The following TRAPPC2L variants were observed in gnomAD, a reference collection of about 807,000 sequenced individuals.
TRAPPC2L encodes trafficking protein particle complex subunit 2-like protein.
In TRAPPC2L, 17 loss-of-function variants were observed where a neutral mutation model predicts 13.2. That is an observed-to-expected ratio of 1.29 (90% CI 0.88 to 1.93). The LOEUF is 1.93. Among genes scored for constraint, TRAPPC2L ranks in the 30% most tolerant of loss-of-function variants. The probability of loss-of-function intolerance (pLI) is 0.00; values close to 1 mark genes in which losing one functional copy is unlikely to be tolerated. For missense variants in TRAPPC2L, 359 were observed against 252.1 expected, an observed-to-expected ratio of 1.42 and a Z score of -2.87; for synonymous variants, 150 against 98.1, an observed-to-expected ratio of 1.53 and a Z score of -3.12.
At chr16:88,856,277 CGGCCCGAGGT>C (rs1567549979), upstream of TRAPPC2L, 2 of 703,042 alleles carry the variant, frequency 2.8e-6, no homozygotes, top group Middle Eastern at 2.3e-4. Flanking sequence ...GGGGACCCGG[CGGCCCGAGGT>C]GGCGGGAGTG....
chr16:88,858,976 G>A (rs1968187937), intron 2 of TRAPPC2L, 185 bp downstream of exon 2: 1 of 633,856 alleles, frequency 1.6e-6, no homozygotes, highest in African/African-American at 1.8e-5. Context: ...AGCCATTTGG[G>A]AAAAGCAAGG....
chr16:88,859,333 C>T (rs1005427543), intron 2 of TRAPPC2L: 2 of 670,110 alleles, frequency 3.0e-6, no homozygotes, highest in Admixed American at 2.0e-5. Flanking sequence ...CACGAAGCCT[C>T]TGGTTTTGCA....
At chr16:88,857,046 T>G, upstream of TRAPPC2L, 1 of 1,433,958 alleles carries the variant, frequency 7.0e-7, no homozygotes. Context: ...TCGTGACCAG[T>G]GGGGCGGGGC....
intron 1 of TRAPPC2L, among the ~76,000 whole-genome samples, chr16:88,858,379 T>G (rs1435972038): frequency 2.0e-5 from 3 of 152,168 alleles, no homozygotes; most frequent in Admixed American, 2.0e-4. Context: ...TTCTGATTCA[T>G]TTTTTCTTTT....
exon 3 of TRAPPC2L, chr16:88,859,750 C>T (rs368928968): frequency 2.4e-5 from 38 of 1,613,294 alleles, no homozygotes; most frequent in Non-Finnish European, 2.9e-5. Flanking sequence ...AAATTCGCAG[C>T]GTAAGTCAGG....
At chr16:88,859,152 T>C in intron 2 of TRAPPC2L, 1 of 435,098 alleles carries the variant, frequency 2.3e-6, no homozygotes, top group Non-Finnish European at 4.3e-6. Context: ...TCATTAGGCC[T>C]TGCCTCTTAT....
chr16:88,859,917 T>A, exon 4 of TRAPPC2L: 1 of 1,556,738 alleles, frequency 6.4e-7, no homozygotes, highest in Non-Finnish European at 8.6e-7. Flanking sequence ...ACACAACTCC[T>A]ACACAGACGT....
At chr16:88,858,571 C>G (rs199882711) in intron 1 of TRAPPC2L, 48 bp from the exon 2 acceptor site, 1 of 1,591,560 alleles carries the variant, frequency 6.3e-7, no homozygotes, top group Non-Finnish European at 8.6e-7. Flanking sequence ...AGCTGGTGTG[C>G]GCTGGGTGGA....
exon 4 of TRAPPC2L, chr16:88,859,972 G>T (rs1324000460): frequency 1.9e-6 from 3 of 1,613,948 alleles, no homozygotes; most frequent in African/African-American, 2.7e-5. Flanking sequence ...ATCCAGTCCA[G>T]GTGGGCCCTA....
chr16:88,861,292 T>G lies in TRAPPC2L; in HGVS notation c.*968T>G, dbSNP rs1392885380. 1.3e-5 allele frequency: 5 copies of G among 398,314 alleles called. No individual in the cohort carries two copies. The Admixed American group carries it at 1.5e-4, about 12-fold the overall frequency. 24.7% of individuals were successfully genotyped at this position (398,314 alleles called of 1,614,324 possible). A position where few individuals can be genotyped will look rare whatever the true frequency, so the allele number is the denominator to read the frequency against. On this transcript the variant is annotated 3_prime_UTR_variant, in exon 4 of 4. Coordinates refer to ENST00000565504, the Ensembl canonical transcript of TRAPPC2L. ...CAAGAGTTCCTGAGCCTGCAGGACCTGTGACCATGTGGGTCACCCACTGGC... is the reference window on the plus strand; with the variant it reads ...CAAGAGTTCCTGAGCCTGCAGGACCGGTGACCATGTGGGTCACCCACTGGC...
In TRAPPC2L at chr16:88,857,188, G is replaced by T; in HGVS notation, c.33+5G>T. 1 of 1,572,644 alleles carries T rather than the reference G, an allele frequency of 6.4e-7. No homozygotes were observed. ...ATCGCGGTGATTGCCAAGGAGGTGCGTACGCGCGGCGTGGGGCGTCCGGGC... is the reference window on the plus strand; with the variant it reads ...ATCGCGGTGATTGCCAAGGAGGTGCTTACGCGCGGCGTGGGGCGTCCGGGC... On this transcript the variant is annotated splice_donor_5th_base_variant and intron_variant, in intron 1 of 3. Coordinates refer to ENST00000565504, the Ensembl canonical transcript of TRAPPC2L.
chr16:88,860,792 A>G, exon 4 of TRAPPC2L: 1 of 1,133,226 alleles, frequency 8.8e-7, no homozygotes. Flanking sequence ...CGGAGTTCAC[A>G]TTTCTGGACC....
intron 2 of TRAPPC2L, chr16:88,859,091 T>G: frequency 2.1e-6 from 1 of 471,902 alleles, no homozygotes; most frequent in Non-Finnish European, 3.9e-6. Flanking sequence ...CTTTCTGTGC[T>G]TTTCAGGGGG....
chr16:88,856,863 G>C (rs754641065), upstream of TRAPPC2L: 8 of 1,510,380 alleles, frequency 5.3e-6, no homozygotes, highest in African/African-American at 8.7e-5. Flanking sequence ...TCGTCGCCGC[G>C]ACAACCGCCG....
At chr16:88,858,830 C>T in intron 2 of TRAPPC2L, 39 bp downstream of exon 2, 2 of 1,585,482 alleles carry the variant, frequency 1.3e-6, no homozygotes, top group Non-Finnish European at 1.7e-6. Context: ...GGAGGACCTA[C>T]AGTTGCAAGA....
At chr16:88,859,952 G>C in exon 4 of TRAPPC2L, 3 of 1,513,858 alleles carry the variant, frequency 2.0e-6, no homozygotes, top group Non-Finnish European at 2.6e-6. Flanking sequence ...TCTACAACCC[G>C]GGGGACCGCA....
exon 4 of TRAPPC2L, chr16:88,860,945 A>T: frequency 6.3e-7 from 1 of 1,593,018 alleles, no homozygotes; most frequent in Non-Finnish European, 8.5e-7. Context: ...GTCGATGATG[A>T]TACAGGTGTG....
exon 4 of TRAPPC2L, chr16:88,861,269 A>G: frequency 2.5e-6 from 1 of 407,918 alleles, no homozygotes; most frequent in South Asian, 2.2e-5. Flanking sequence ...CCTGGAGCCA[A>G]GAGTTCCTGA....
At chr16:88,860,867 G>A in exon 4 of TRAPPC2L, 1 of 1,558,772 alleles carries the variant, frequency 6.4e-7, no homozygotes, top group Non-Finnish European at 8.7e-7. Flanking sequence ...TGAGCAGAGG[G>A]GTGGAGGGCC....
Sources: allele counts gnomAD v4.1 joint callset (sites outside exome capture counted in the v4.1 genomes callset), GRCh38; gene constraint gnomAD v4.1.1; transcripts MANE v1.5; gene names NCBI Gene and HGNC (gene_info 2026-07-23, HGNC 2026-07-21).